MED13: variants seen among roughly 807,000 people sequenced by gnomAD.
MED13 encodes mediator of RNA polymerase II transcription subunit 13.
MED13 carries 23 observed loss-of-function variants against 225.2 expected under a neutral mutation model. That is an observed-to-expected ratio of 0.10 (90% CI 0.07 to 0.14). MED13 has a LOEUF of 0.14. MED13 is among the 10% of genes least tolerant of loss of function. The pLI is 1.00. For missense variants in MED13, 2,197 were observed against 2,594.5 expected, an observed-to-expected ratio of 0.85 and a Z score of 3.33; for synonymous variants, 942 against 889.2, an observed-to-expected ratio of 1.06 and a Z score of -1.06.
At chr17:62,005,572 C>T (rs1372316845) in intron 9 of MED13, 1 of 152,138 alleles carries the variant, frequency 6.6e-6, no homozygotes, top group Non-Finnish European at 1.5e-5. Context: ...CGCCAATGCG[C>T]TCCAGCCTGA....
chr17:61,987,118 G>A lies in MED13; in HGVS notation c.2274C>T (p.Arg758=), dbSNP rs778452265. The change falls in exon 12 of 30, where the codon CGC becomes CGT. Residue 758 remains arginine (R), a synonymous_variant. Transcript: ENST00000397786. ...FSPSIKQDAP[R]PTSHARPPST... is the part of the protein sequence containing the mutation. ...ATGGAGGACGGGCATGACTAGTAGG[G>A]CGTGGAGCATCTACAAAAGTCAATC... 2 of 1,595,734 alleles carry A rather than the reference G, an allele frequency of 1.3e-6. No homozygotes were observed. The highest frequency in any genetic ancestry group is 1.7e-6 in the Non-Finnish European group (2 of 1,173,030).
rs1434547282 is a variant in MED13 at position 62,043,110 on chromosome 17, T to G, written c.471-7502A>C. ...GGCAGAGGTTGGAGTGAGTCAAGAT[T>G]ACACCACTGTACTCTGGCCTAGGAG... On this transcript the variant is annotated intron_variant, in intron 3 of 29. Transcript: ENST00000397786. Among the ~76,000 whole-genome samples the G allele has an allele frequency of 4.9e-5, 6 of 122,176 alleles. No individual in the cohort carries two copies. The Admixed American group carries it at 6.7e-4, about 14-fold the overall frequency. The allele number at this position is 122,176 out of a possible 152,430, so 80.2% of individuals were successfully genotyped here.
chr17:62,052,695 A>T lies in MED13; in HGVS notation c.312T>A (p.Asp104Glu), dbSNP rs780151771. The change falls in exon 3 of 30, where the codon GAT becomes GAA. Residue 104 changes from aspartate to glutamate, a missense_variant. Transcript: ENST00000397786. ...LIHHDLSEEE[D>E]GVWENGLSYE... Reference sequence around the variant, plus strand: ...AGGAAAGTCCATTCTCCCACACTCCATCTTCTTCTTCTAAAAGAGAAATGA... The same window carrying T: ...AGGAAAGTCCATTCTCCCACACTCCTTCTTCTTCTTCTAAAAGAGAAATGA... 17 of 1,562,996 alleles carry T rather than the reference A, an allele frequency of 1.1e-5. No individual in the cohort carries two copies. The highest frequency in any genetic ancestry group is 1.2e-5 in the Non-Finnish European group (14 of 1,153,060).
At chr17:62,008,080 G>A (rs1450607477) in intron 9 of MED13, among the ~76,000 whole-genome samples, 2 of 148,628 alleles carry the variant, frequency 1.3e-5, no homozygotes, top group Non-Finnish European at 3.0e-5. Flanking sequence ...CACTTTGGGA[G>A]GCCGGGGCGG....
At chr17:61,990,088 A>T (rs1037960864) in intron 11 of MED13, among the ~76,000 whole-genome samples, 2 of 152,180 alleles carry the variant, frequency 1.3e-5, no homozygotes, top group African/African-American at 4.8e-5. Flanking sequence ...TTGTCATCGA[A>T]AACACACACC....
intron 8 of MED13, among the ~76,000 whole-genome samples, chr17:62,016,824 C>G (rs2080586666): frequency 6.6e-6 from 1 of 152,102 alleles, no homozygotes; most frequent in Non-Finnish European, 1.5e-5. Context: ...GCCTAGCCAA[C>G]ACAGTGAAAC....
intron 1 of MED13, 21 bp from the exon 2 acceptor site, chr17:62,063,322 A>G (rs751781013): frequency 6.5e-6 from 10 of 1,537,568 alleles, no homozygotes; most frequent in Non-Finnish European, 9.0e-6. Context: ...GAAAGCATTA[A>G]GTTTTATTAC....
At chr17:62,036,407 A>C (rs2080804191) in intron 3 of MED13, among the ~76,000 whole-genome samples, 1 of 152,204 alleles carries the variant, frequency 6.6e-6, no homozygotes, top group African/African-American at 2.4e-5. Context: ...AAAGTTCCCA[A>C]GGACATCAGA....
chr17:61,991,371 G>A (rs560811835), intron 11 of MED13, among the ~76,000 whole-genome samples: 10 of 151,540 alleles, frequency 6.6e-5, no homozygotes, highest in East Asian at 1.9e-4. Context: ...CACCTGCCTC[G>A]GCCTTACAGG....
intron 3 of MED13, among the ~76,000 whole-genome samples, chr17:62,048,495 G>A (rs1341196858): frequency 3.3e-5 from 5 of 151,450 alleles, no homozygotes; most frequent in Non-Finnish European, 7.4e-5. Flanking sequence ...CCAGATCAGT[G>A]AAAAACTTAA....
intron 2 of MED13, among the ~76,000 whole-genome samples, chr17:62,056,021 G>A (rs2080993906): frequency 1.3e-5 from 2 of 152,110 alleles, no homozygotes; most frequent in South Asian, 2.1e-4. Context: ...TAAATCCAAC[G>A]TATCTCTGAA....
rs60236710 is a variant in MED13, at chr17:62,008,016, C to CAAAA, written c.1967+2530_1967+2533dup. 7.5e-4 allele frequency among the ~76,000 whole-genome samples: 38 copies of CAAAA among 50,492 alleles called. 1 individual carries two copies. Among genetic ancestry groups the CAAAA allele is most frequent in the African/African-American group, 2.0e-3 (29 of 14,692 alleles). 33.1% of individuals were successfully genotyped at this position (50,492 alleles called of 152,430 possible). A position where few individuals can be genotyped will look rare whatever the true frequency, so the allele number is the denominator to read the frequency against. ...CCTGGAGGAAAGAGCGAGACTGTCT[C>CAAAA]AAAAAAAAAAAAAAAAAAAAGCTGT... On this transcript the variant is annotated intron_variant, in intron 9 of 29. Coordinates refer to ENST00000397786, the MANE Select transcript of MED13 (RefSeq NM_005121.3).
chr17:61,986,730 C>G (rs2080251120), intron 12 of MED13, among the ~76,000 whole-genome samples: 1 of 152,072 alleles, frequency 6.6e-6, no homozygotes, highest in African/African-American at 2.4e-5. Context: ...AACTACAAAA[C>G]AGAACATACG....
chr17:61,990,650 T>TATATATATACAC (rs1491124278), intron 11 of MED13, among the ~76,000 whole-genome samples: 3 of 141,140 alleles, frequency 2.1e-5, no homozygotes, highest in African/African-American at 8.1e-5. Flanking sequence ...TATATATATA[T>TATATATATACAC]ACACACTCCC....
chr17:61,968,273 T>C lies in MED13; in HGVS notation c.3968-15A>G. On this transcript the variant is annotated splice_polypyrimidine_tract_variant and intron_variant, in intron 17 of 29. Transcript: ENST00000397786. ...TTCATCAGTTCCTAAATAAGAAAGA[T>C]GTATTTTAAGAAAACACTTAAAAAC... 13 of 1,565,758 alleles carry C rather than the reference T, an allele frequency of 8.3e-6. No homozygotes were observed. Among genetic ancestry groups the C allele is most frequent in the Non-Finnish European group, 9.6e-6 (11 of 1,149,458 alleles).
chr17:62,045,447 C>T lies in MED13; in HGVS notation c.470+7090G>A, dbSNP rs1003514094. The stretch of plus-strand genomic sequence containing the variant: ...CTGAGGTGGGAGAACCAATTAGGCC[C>T]AGAAGTTTGTGGCTGCAATGAGTTA... On this transcript the variant is annotated intron_variant, in intron 3 of 29. Coordinates refer to ENST00000397786, the MANE Select transcript of MED13 (RefSeq NM_005121.3). Among the ~76,000 whole-genome samples the T allele has an allele frequency of 5.9e-5, 9 of 151,916 alleles. 1 individual carries two copies. The highest frequency in any genetic ancestry group is 1.2e-4 in the African/African-American group (5 of 41,344).
chr17:61,950,745 TA>T, intron 28 of MED13, 79 bp downstream of exon 28: 1 of 1,426,934 alleles, frequency 7.0e-7, no homozygotes, highest in Admixed American at 2.2e-5. Context: ...CTATAAGACT[TA>T]AAAAAGCCAC....
chr17:62,012,417 C>T (rs1301525773), intron 8 of MED13, among the ~76,000 whole-genome samples: 1 of 150,280 alleles, frequency 6.7e-6, no homozygotes, highest in African/African-American at 2.4e-5. Flanking sequence ...GCAACCTCCA[C>T]CTCCGGGGTT....
intron 17 of MED13, among the ~76,000 whole-genome samples, chr17:61,970,679 CAAAAAAAAAAAAAA>C (rs10600340): frequency 2.1e-5 from 1 of 46,918 alleles, no homozygotes; most frequent in Non-Finnish European, 3.6e-5. Flanking sequence ...GAGACTGTCT[CAAAAAAAAAAAAAA>C]AAAAAAAAAA....
Sources: gnomAD v4.1 joint callset for allele counts (sites outside exome capture counted in the v4.1 genomes callset) on GRCh38, gnomAD v4.1.1 for gene constraint, MANE v1.5 for transcripts, NCBI Gene and HGNC (gene_info 2026-07-23, HGNC 2026-07-21) for gene names.